RPP40: variants seen among roughly 807,000 people sequenced by gnomAD.
The protein encoded by RPP40 is ribonuclease P protein subunit p40.
A neutral mutation model predicts 42.5 loss-of-function variants in RPP40; 30 were observed. That is an observed-to-expected ratio of 0.71 (90% confidence interval 0.53 to 0.96). The LOEUF is 0.96. Among genes scored for constraint, RPP40 ranks in the 40% least tolerant of loss-of-function variants. The probability of loss-of-function intolerance (pLI) is 0.00; values close to 1 mark genes in which losing one functional copy is unlikely to be tolerated. For missense variants in RPP40, 426 were observed against 433.5 expected (o/e 0.98, Z 0.15); for synonymous variants, 173 against 164.0 (o/e 1.05, Z -0.42).
At chr6:4,989,567 C>T in the RPP40 span, among the ~76,000 whole-genome samples, 1 of 152,016 alleles carries the variant, frequency 6.6e-6, no homozygotes, top group Non-Finnish European at 1.5e-5. Context: ...GTCTTCTGAC[C>T]CATGAACAAG....
At chr6:5,002,300 G>T in intron 1 of RPP40, 55 bp from the exon 2 acceptor site, 2 of 1,398,174 alleles carry the variant, frequency 1.4e-6, no homozygotes, top group Non-Finnish European at 1.9e-6. Context: ...TGAACACCCA[G>T]GTTTTTAGGA....
At chr6:5,003,216 G>A (rs568006662) in intron 1 of RPP40, among the ~76,000 whole-genome samples, 3,613 of 151,728 alleles carry the variant, frequency 0.024, 145 homozygotes, top group African/African-American at 0.083. Context: ...GCGTGGTGGC[G>A]CGCGCCTGTA....
downstream of RPP40, among the ~76,000 whole-genome samples, chr6:4,994,011 C>T (rs1484102776): frequency 2.6e-5 from 4 of 151,738 alleles, no homozygotes; most frequent in Admixed American, 2.0e-4. Flanking sequence ...TGCACTAAGG[C>T]GGAAAAGTGG....
At chr6:4,998,550 T>A in intron 5 of RPP40, 166 bp downstream of exon 5, 1 of 458,260 alleles carries the variant, frequency 2.2e-6, no homozygotes. Flanking sequence ...TGAACTATGG[T>A]TTTCAGAGAT....
At chr6:4,992,020 G>A (rs1339259847), downstream of RPP40, among the ~76,000 whole-genome samples, 1 of 152,094 alleles carries the variant, frequency 6.6e-6, no homozygotes, top group African/African-American at 2.4e-5. Context: ...TGCCCACTGT[G>A]CTTCCTGCAC....
intron 3 of RPP40, 54 bp downstream of exon 3, chr6:5,000,508 TA>T: frequency 9.7e-7 from 1 of 1,033,588 alleles, no homozygotes. Context: ...TTTTTTTTTT[TA>T]CAGTATGCAT....
downstream of RPP40, among the ~76,000 whole-genome samples, chr6:4,994,458 C>T (rs564903558): frequency 1.3e-5 from 2 of 152,274 alleles, no homozygotes; most frequent in African/African-American, 2.4e-5. Context: ...TGGTCCTTAT[C>T]AGCCTTACTG....
intron 6 of RPP40, 44 bp from the exon 7 acceptor site, chr6:4,996,129 T>C (rs538897314): frequency 1.2e-6 from 2 of 1,606,846 alleles, no homozygotes; most frequent in South Asian, 2.2e-5. Flanking sequence ...CACATGTATA[T>C]CCATCACATG....
At position 4,995,140 on chromosome 6, in the gene RPP40, A is replaced by G; in HGVS notation, c.1030T>C (p.Phe344Leu). 6.2e-7 allele frequency: 1 copy of G among 1,614,184 alleles called. No individual in the cohort carries two copies. The highest frequency in any genetic ancestry group is 2.2e-5 in the East Asian group (1 of 44,894). Residue 344 changes from phenylalanine (F) to leucine (L), a missense_variant, in exon 8 of 8, where the codon TTT (phenylalanine) becomes CTT (leucine). Coordinates refer to ENST00000380051, the MANE Select transcript of RPP40 (RefSeq NM_006638.4). ...GGEHLYNFVI[F>L]NNQDYWLQMA... ...TGAAGCCAATAGTCCTGATTATTAA[A>G]AATCACAAAGTTATATAAATGTTCT... is the stretch of plus-strand genomic sequence containing the variant.
At chr6:5,002,271 G>A (rs1325547172) in intron 1 of RPP40, 26 bp from the exon 2 acceptor site, 2 of 1,563,234 alleles carry the variant, frequency 1.3e-6, no homozygotes, top group Non-Finnish European at 1.7e-6. Flanking sequence ...ATACAAACAA[G>A]GTCTTACTTC....
intron 4 of RPP40, 115 bp downstream of exon 4, chr6:4,999,694 G>T (rs763444415): frequency 1.5e-5 from 10 of 646,338 alleles, no homozygotes; most frequent in Non-Finnish European, 2.5e-5. Flanking sequence ...AAGTTTGACA[G>T]ATTTTTTTTA....
intron 2 of RPP40, among the ~76,000 whole-genome samples, chr6:5,001,302 T>C (rs895747780): frequency 1.3e-5 from 2 of 152,202 alleles, no homozygotes; most frequent in Admixed American, 1.3e-4. Flanking sequence ...GCTACAGCCA[T>C]TGTCCACGTA....
At chr6:4,990,484 CCTT>C (rs1436786525), downstream of RPP40, among the ~76,000 whole-genome samples, 1 of 151,962 alleles carries the variant, frequency 6.6e-6, no homozygotes. Context: ...CTCTCTCTCT[CCTT>C]CTCTCCCTTT....
intron 1 of RPP40, among the ~76,000 whole-genome samples, chr6:5,003,229 C>T (rs1293814453): frequency 1.3e-5 from 2 of 151,506 alleles, no homozygotes; most frequent in South Asian, 2.1e-4. Context: ...CGCCTGTAGA[C>T]CCAGCTACAC....
At chr6:4,998,561 G>A in intron 5 of RPP40, 155 bp downstream of exon 5, 6 of 491,658 alleles carry the variant, frequency 1.2e-5, no homozygotes, top group Non-Finnish European at 2.0e-5. Context: ...TTTCAGAGAT[G>A]TCAGAAGGGC....
chr6:4,992,204 AC>A (rs540413086), downstream of RPP40, among the ~76,000 whole-genome samples: 979 of 152,036 alleles, frequency 6.4e-3, 5 homozygotes, highest in South Asian at 0.01. Flanking sequence ...AAACAAAAAA[AC>A]GAAACAAAAA....
In RPP40 at chr6:5,003,912, G is replaced by A. The variant is rs372516425; in HGVS notation, c.91C>T (p.His31Tyr). Reference protein sequence around the residue: ...NFGNHKSRHRHLVQTHYYNYR... With the variant: ...NFGNHKSRHRYLVQTHYYNYR... ...TTATAGTAGTGCGTCTGCACAAGAT[G>A]CCGGTGGCGCGACTTGTGGTTGCCG... The change falls in exon 1 of 8, where the codon CAT (histidine) becomes TAT (tyrosine). Residue 31 changes from histidine to tyrosine, a missense_variant. Coordinates refer to ENST00000380051, the MANE Select transcript of RPP40 (RefSeq NM_006638.4). 1.2e-5 allele frequency: 20 copies of A among 1,613,664 alleles called. No individual in the cohort carries two copies. The African/African-American group carries it at 2.5e-4, about 20-fold the overall frequency.
chr6:5,002,224 A>C lies in RPP40; in HGVS notation c.145T>G (p.Cys49Gly). Residue 49 changes from cysteine to glycine, a missense_variant, in exon 2 of 8, where the codon TGT (cysteine) becomes GGT (glycine). Physicochemically the swap from Cys to Gly is radical, Grantham distance 159. Transcript: ENST00000380051. ...NYRVSFLIPE[C>G]GILSEELKNL... ...TTCAGTTCTTCCGATAGTATCCCAC[A>C]TTCAGGAATGAGAAATGAAACCTAT... 6.2e-7 allele frequency: 1 copy of C among 1,612,948 alleles called. No individual in the cohort carries two copies. Among genetic ancestry groups the C allele is most frequent in the Non-Finnish European group, 8.5e-7 (1 of 1,179,498 alleles).
chr6:4,997,342 C>T (rs1245814436), intron 5 of RPP40, among the ~76,000 whole-genome samples: 4 of 152,314 alleles, frequency 2.6e-5, no homozygotes, highest in Non-Finnish European at 5.9e-5. Flanking sequence ...TAGAACAAAA[C>T]GTCAGAGGAA....
Sources: allele counts gnomAD v4.1 joint callset (sites outside exome capture counted in the v4.1 genomes callset), GRCh38; gene constraint gnomAD v4.1.1; transcripts MANE v1.5; gene names NCBI Gene and HGNC (gene_info 2026-07-23, HGNC 2026-07-21).